CLK3: variants seen among roughly 807,000 people sequenced by gnomAD.
CLK3 encodes the protein CDC like kinase 3, also known as dual specificity protein kinase CLK3.
CLK3 carries 24 observed loss-of-function variants against 65.2 expected under a neutral mutation model. The observed-to-expected ratio is 0.37, with a 90% CI of 0.27 to 0.52. CLK3 has a LOEUF of 0.52. Ranked by LOEUF, CLK3 falls within the 20% of genes least tolerant of loss-of-function variation. CLK3 has a pLI of 0.92. For synonymous variants in CLK3, 252 were observed against 240.8 expected, an observed-to-expected ratio of 1.05 and a Z score of -0.43; for missense variants, 506 against 660.0, an observed-to-expected ratio of 0.77 and a Z score of 2.56.
chr15:74,622,559 A>T lies in CLK3; in HGVS notation c.532A>T (p.Arg178Ter). 6.2e-7 allele frequency: 1 copy of T among 1,610,340 alleles called. No homozygotes were observed. The highest frequency in any genetic ancestry group is 8.5e-7 in the Non-Finnish European group (1 of 1,178,194). ...GKVVECLDHARGKSQVALKII... is the reference protein window; with the variant it reads ...GKVVECLDHA ...GGTGGTGGAGTGCTTGGACCATGCC[A>T]GGTGAGCGAGCTGCGGCAGTACAGC... Residue 178 changes from arginine (R) to a stop codon, truncating the protein, a stop_gained and splice_region_variant, in exon 5 of 13, where the codon AGA becomes TGA. Coordinates refer to ENST00000395066, the MANE Select transcript of CLK3 (RefSeq NM_001130028.2). LOFTEE classifies it high-confidence loss of function. This position sits in a 1 kb window ranked among gnomAD's most constrained non-coding sequence, Gnocchi z 4.6.
chr15:74,619,771 A>G (rs758382036), intron 2 of CLK3, among the ~76,000 whole-genome samples: 13 of 152,056 alleles, frequency 8.5e-5, no homozygotes, highest in Non-Finnish European at 1.6e-4. Context: ...GCACTCTACC[A>G]TACTCCCCTT....
chr15:74,618,705 C>G (rs2062078321), intron 1 of CLK3, among the ~76,000 whole-genome samples: 1 of 152,244 alleles, frequency 6.6e-6, no homozygotes, highest in Non-Finnish European at 1.5e-5. Flanking sequence ...CCTAGCCAGA[C>G]AGCGTTCAGC....
chr15:74,624,656 G>A lies in CLK3; in HGVS notation c.534-246G>A. The A allele has an allele frequency of 3.6e-6, 2 of 561,034 alleles. No homozygotes were observed. Among genetic ancestry groups the A allele is most frequent in the Non-Finnish European group, 6.4e-6 (2 of 311,560 alleles). The allele number at this position is 561,034 out of a possible 1,614,324, so 34.8% of individuals were successfully genotyped here. ...ACTCCTTTGGGAGCTGGCAGTGGCT[G>A]AGAACATAAAAGCCTAAGGATGGCA... On this transcript the variant is annotated intron_variant, in intron 5 of 12. Transcript: ENST00000395066. The surrounding 1 kb of genome is among the most constrained non-coding windows in gnomAD (Gnocchi z 4.2).
At chr15:74,610,659 T>C (rs935542307) in intron 1 of CLK3, among the ~76,000 whole-genome samples, 1 of 152,114 alleles carries the variant, frequency 6.6e-6, no homozygotes, top group Non-Finnish European at 1.5e-5. Flanking sequence ...TGTGCATCTC[T>C]ACCTCCAGCT....
At chr15:74,629,185 T>C (rs1457096090) in intron 12 of CLK3, 153 bp downstream of exon 12, 2 of 722,950 alleles carry the variant, frequency 2.8e-6, no homozygotes, top group African/African-American at 1.7e-5. Context: ...GTGCTGGCAA[T>C]GGGGCTTCTT....
intron 12 of CLK3, 74 bp from the exon 13 acceptor site, chr15:74,629,633 C>T: frequency 3.7e-6 from 5 of 1,356,006 alleles, no homozygotes; most frequent in Non-Finnish European, 5.2e-6. Context: ...GCAAGGCGTC[C>T]CAGAGGCAAG....
intron 2 of CLK3, among the ~76,000 whole-genome samples, chr15:74,619,586 C>G (rs562868343): frequency 6.6e-6 from 1 of 152,170 alleles, no homozygotes; most frequent in Non-Finnish European, 1.5e-5. Context: ...CACACATTCC[C>G]CCATTTTCTA....
chr15:74,624,876 A>G lies in CLK3; in HGVS notation c.534-26A>G, dbSNP rs1567144356. The stretch of plus-strand genomic sequence containing the variant: ...AAGGACTGGGCAGCTGCTGATGAGA[A>G]CCTCTGTTTCCTTCCCGGGTACCAG... On this transcript the variant is annotated intron_variant, in intron 5 of 12. Coordinates refer to ENST00000395066, the MANE Select transcript of CLK3 (RefSeq NM_001130028.2). This position sits in a 1 kb window ranked among gnomAD's most constrained non-coding sequence, Gnocchi z 4.2. The G allele has an allele frequency of 1.9e-6, 3 of 1,547,256 alleles. No individual in the cohort carries two copies. Among genetic ancestry groups the G allele is most frequent in the Admixed American group, 3.6e-5 (2 of 55,604 alleles).
In CLK3 at chr15:74,620,119, G is replaced by T. The variant is rs761442417; in HGVS notation, c.263G>T (p.Arg88Leu). 6.2e-7 allele frequency: 1 copy of T among 1,614,200 alleles called. No homozygotes were observed. The highest frequency in any genetic ancestry group is 2.2e-5 in the East Asian group (1 of 44,880). The part of the protein sequence containing the change: ...SFGEDYYGPS[R>L]SRHRRRSRER... ...GGAGAGGACTACTATGGACCTTCACGTTCTCGTCATCGTCGGCGATCGCGG... is the reference window on the plus strand; with the variant it reads ...GGAGAGGACTACTATGGACCTTCACTTTCTCGTCATCGTCGGCGATCGCGG... The change falls in exon 3 of 13, where the codon CGT (arginine) becomes CTT (leucine). Residue 88 changes from arginine to leucine, a missense_variant. Around this residue, in one of 2 missense-constraint regions of CLK3, gnomAD observed 181 missense variants for 159.4 expected, o/e 1.14. Coordinates refer to ENST00000395066, the MANE Select transcript of CLK3 (RefSeq NM_001130028.2).
Position 74,619,992 on chromosome 15 carries a change from C to T in CLK3, c.153-17C>T. 1 of 1,613,930 alleles carries T rather than the reference C, an allele frequency of 6.2e-7. No homozygotes were observed. Among genetic ancestry groups the T allele is most frequent in the Non-Finnish European group, 8.5e-7 (1 of 1,179,938 alleles). On this transcript the variant is annotated splice_polypyrimidine_tract_variant and intron_variant, in intron 2 of 12. Coordinates refer to ENST00000395066, the MANE Select transcript of CLK3 (RefSeq NM_001130028.2). ...CAAGGACCCAGCTGACCAGCGTCCC[C>T]ATCCCCCTTTTGGCAGCCATGACCG...
At chr15:74,612,107 T>C (rs528547315), upstream of CLK3, among the ~76,000 whole-genome samples, 9 of 152,304 alleles carry the variant, frequency 5.9e-5, no homozygotes, top group East Asian at 1.7e-3. Flanking sequence ...CAGCAGGCAC[T>C]CCTGAGGGGA....
rs530216904 is a variant in CLK3 at position 74,610,102 on chromosome 15, G to A, written c.-1+1676G>A. On this transcript the variant is annotated intron_variant, in intron 1 of 12. Coordinates refer to the CLK3 transcript ENST00000345005. The stretch of plus-strand genomic sequence containing the variant: ...GGGGCAGAGTCAAAGGTACAGCAGG[G>A]CCAGTGCGCAGGGCCTGCCATGCAC... Among the ~76,000 whole-genome samples the A allele has an allele frequency of 5.3e-5, 8 of 152,374 alleles. No homozygotes were observed. In the East Asian group the frequency reaches 1.5e-3, roughly 29 times the overall value.
intron 3 of CLK3, chr15:74,620,430 T>C: frequency 2.8e-6 from 2 of 710,416 alleles, no homozygotes; most frequent in South Asian, 3.8e-5. Context: ...CTCTTTCCAG[T>C]GGCAACTGTA....
chr15:74,616,024 A>G, intron 1 of CLK3, 126 bp downstream of exon 1: 1 of 747,592 alleles, frequency 1.3e-6, no homozygotes, highest in Non-Finnish European at 1.8e-6. Context: ...TTCGGCCCAT[A>G]TCGGGCCGCG....
Position 74,624,506 on chromosome 15 carries a change from C to T in CLK3, c.534-396C>T, listed in dbSNP as rs541151154. The T allele has an allele frequency of 4.9e-5, 10 of 202,554 alleles. No homozygotes were observed. The highest frequency in any genetic ancestry group is 2.6e-4 in the Admixed American group (5 of 18,922). 12.5% of individuals were successfully genotyped at this position (202,554 alleles called of 1,614,324 possible). A position where few individuals can be genotyped will look rare whatever the true frequency, so the allele number is the denominator to read the frequency against. ...AGACAAGCTCAGGAAGGTCAAGAGG[C>T]GCCGCAGGAGGGTTCTCGGTGGGAC... On this transcript the variant is annotated intron_variant, in intron 5 of 12. Coordinates refer to ENST00000395066, the MANE Select transcript of CLK3 (RefSeq NM_001130028.2). The surrounding 1 kb of genome is among the most constrained non-coding windows in gnomAD (Gnocchi z 4.2).
intron 2 of CLK3, among the ~76,000 whole-genome samples, 161 bp downstream of exon 2, chr15:74,619,509 G>C (rs2062084996): frequency 6.6e-6 from 1 of 152,154 alleles, no homozygotes; most frequent in Admixed American, 6.5e-5. Context: ...GCATGCCTTG[G>C]CCTCAGCAGT....
intron 12 of CLK3, 60 bp downstream of exon 12, chr15:74,629,092 A>G (rs754291692): frequency 7.9e-7 from 1 of 1,266,430 alleles, no homozygotes; most frequent in Non-Finnish European, 1.2e-6. Flanking sequence ...GGCACTGGGC[A>G]GACATACAGC....
At chr15:74,610,485 A>G (rs962245590) in intron 1 of CLK3, among the ~76,000 whole-genome samples, 41 of 152,354 alleles carry the variant, frequency 2.7e-4, no homozygotes, top group Non-Finnish European at 5.4e-4. Context: ...GCCTCCCACC[A>G]GGCAGGGCAG....
At chr15:74,611,347 C>T (rs1360913264), upstream of CLK3, among the ~76,000 whole-genome samples, 1 of 152,242 alleles carries the variant, frequency 6.6e-6, no homozygotes, top group Non-Finnish European at 1.5e-5. Context: ...CTTGCTAGCT[C>T]AGGGGACCTC....
Sources: gnomAD v4.1 joint callset for allele counts (sites outside exome capture counted in the v4.1 genomes callset) on GRCh38, gnomAD v4.1.1 for gene constraint, gnomAD v4.1.1 regional missense constraint, Gnocchi (gnomAD v3.1) non-coding constraint, MANE v1.5 for transcripts, NCBI Gene and HGNC (gene_info 2026-07-23, HGNC 2026-07-21) for gene names.